The following YWHAZ variants were observed in gnomAD, a reference collection of about 807,000 sequenced individuals.
The protein encoded by YWHAZ is 14-3-3 protein zeta/delta.
For synonymous variants in YWHAZ, 87 were observed against 103.6 expected, an observed-to-expected ratio of 0.84 and a Z score of 0.97; for missense variants, 79 against 284.8, an observed-to-expected ratio of 0.28 and a Z score of 5.20.
intron 2 of YWHAZ, among the ~76,000 whole-genome samples, chr8:100,928,020 C>T (rs1813483057): frequency 6.6e-6 from 1 of 152,224 alleles, no homozygotes; most frequent in African/African-American, 2.4e-5. Flanking sequence ...TGGCTCACGC[C>T]TGTAATCCCA....
Position 100,934,254 on chromosome 8 carries a change from G to GGAT in YWHAZ, c.295-9216_295-9215insATC, listed in dbSNP as rs563127623. 2.5e-3 allele frequency among the ~76,000 whole-genome samples: 379 copies of GGAT among 150,210 alleles called. 1 individual carries two copies. The highest frequency in any genetic ancestry group is 8.4e-3 in the African/African-American group (343 of 40,874). ...AGGCTGAGATGGGAGGATCACTTGA[G>GGAT]CACAGGATGTCATGGCTGCAGTGAG... On this transcript the variant is annotated intron_variant, in intron 2 of 5. Transcript: ENST00000395958.
upstream of YWHAZ, chr8:100,952,782 C>T (rs1320635532): frequency 1.0e-6 from 1 of 999,622 alleles, no homozygotes; most frequent in Non-Finnish European, 1.2e-6. Flanking sequence ...CCGCCGCTCC[C>T]CTTCCCCGGC....
intron 2 of YWHAZ, among the ~76,000 whole-genome samples, chr8:100,928,746 A>C (rs549779924): frequency 6.6e-6 from 1 of 152,172 alleles, no homozygotes; most frequent in Non-Finnish European, 1.5e-5. Context: ...AAAGAAAAAA[A>C]AAAAAAGGAA....
At chr8:100,950,645 C>T in intron 1 of YWHAZ, 1 of 972,642 alleles carries the variant, frequency 1.0e-6, no homozygotes, top group Non-Finnish European at 1.2e-6. Flanking sequence ...GCCCGCGCCC[C>T]CGCCCAAGCC....
At chr8:100,945,330 C>G (rs1326617689) in intron 2 of YWHAZ, among the ~76,000 whole-genome samples, 1 of 152,140 alleles carries the variant, frequency 6.6e-6, no homozygotes, top group Non-Finnish European at 1.5e-5. Flanking sequence ...GAATGGGTTA[C>G]TAAAGAGCTC....
At chr8:100,950,988 C>A (rs952707122) in intron 1 of YWHAZ, 6 of 240,406 alleles carry the variant, frequency 2.5e-5, no homozygotes, top group African/African-American at 1.4e-4. Flanking sequence ...CGGGAGCCGA[C>A]TGCGGGCTCA....
intron 1 of YWHAZ, chr8:100,951,523 G>C (rs903920295): frequency 7.1e-6 from 7 of 985,530 alleles, no homozygotes; most frequent in Non-Finnish European, 8.4e-6. Context: ...GAGAAGGGCG[G>C]CGAGGGAGGG....
chr8:100,938,993 T>TAA (rs1814412902), intron 2 of YWHAZ, among the ~76,000 whole-genome samples: 1 of 152,274 alleles, frequency 6.6e-6, no homozygotes, highest in African/African-American at 2.4e-5. Context: ...AGCAGGCTTG[T>TAA]GCCTAATCAC....
chr8:100,942,779 T>A (rs1459384964), intron 2 of YWHAZ, among the ~76,000 whole-genome samples: 1 of 152,118 alleles, frequency 6.6e-6, no homozygotes, highest in Non-Finnish European at 1.5e-5. Flanking sequence ...ATAGATGGAA[T>A]GAAATCAGCA....
rs1219126549 is a variant in YWHAZ, at chr8:100,928,779, T to C, written c.295-3740A>G. On this transcript the variant is annotated intron_variant, in intron 2 of 5. Transcript: ENST00000395958. ...GAACATATTCTCAGCCTCAATGGGG[T>C]GATATACCTACTAGAAAGGACGTTA... 4.0e-4 allele frequency among the ~76,000 whole-genome samples: 59 copies of C among 148,972 alleles called. 1 individual carries two copies. Among genetic ancestry groups the C allele is most frequent in the Admixed American group, 4.0e-3 (59 of 14,934 alleles).
rs976650154 is a variant in YWHAZ, at chr8:100,948,058, G to A, written c.294+538C>T. The A allele has an allele frequency of 7.9e-6, 12 of 1,515,868 alleles. No individual in the cohort carries two copies. The African/African-American group carries it at 1.5e-4, about 19-fold the overall frequency. 93.9% of individuals were successfully genotyped at this position (1,515,868 alleles called of 1,614,324 possible). A position where few individuals can be genotyped will look rare whatever the true frequency, so the allele number is the denominator to read the frequency against. On this transcript the variant is annotated intron_variant, in intron 2 of 5. Coordinates refer to ENST00000395958, the MANE Select transcript of YWHAZ (RefSeq NM_145690.3). The surrounding 1 kb of genome is among the most constrained non-coding windows in gnomAD (Gnocchi z 4.2). ...TTGTTCATAACCTTTCATCATGGTT[G>A]TGAGTGTTCAAAATTTACCTTCAAG...
intron 1 of YWHAZ, chr8:100,950,355 G>A (rs1586166272): frequency 1.0e-6 from 1 of 984,416 alleles, no homozygotes; most frequent in Non-Finnish European, 1.2e-6. Flanking sequence ...GTGCTCCAAG[G>A]CCTCGCCTCT....
intron 1 of YWHAZ, chr8:100,950,557 T>G (rs891436763): frequency 2.0e-6 from 2 of 985,270 alleles, no homozygotes; most frequent in Admixed American, 6.1e-5. Context: ...TCCTTTGTCA[T>G]GGCGGATCTG....
At chr8:100,938,168 A>G (rs915798848) in intron 2 of YWHAZ, among the ~76,000 whole-genome samples, 1 of 152,088 alleles carries the variant, frequency 6.6e-6, no homozygotes, top group Non-Finnish European at 1.5e-5. Context: ...AATAAAATTA[A>G]AGCCACTTAT....
chr8:100,940,526 T>C (rs923207009), intron 2 of YWHAZ, among the ~76,000 whole-genome samples: 1 of 152,360 alleles, frequency 6.6e-6, no homozygotes, highest in African/African-American at 2.4e-5. Flanking sequence ...ATTTTTGTAA[T>C]AGCCCAGGGC....
In YWHAZ at chr8:100,948,950, CAG is replaced by C; in HGVS notation, c.-11-52_-11-51del. Reference sequence around the variant, plus strand: ...TTAAAATTTTTCCCATCAAAATAAACAGACTCAAAATTATACCTGTGGTAAAT... The same window carrying C: ...TTAAAATTTTTCCCATCAAAATAAACACTCAAAATTATACCTGTGGTAAAT... On this transcript the variant is annotated intron_variant, in intron 1 of 5. Coordinates refer to ENST00000395958, the MANE Select transcript of YWHAZ (RefSeq NM_145690.3). This position sits in a 1 kb window ranked among gnomAD's most constrained non-coding sequence, Gnocchi z 4.2. 6.6e-7 allele frequency: 1 copy of C among 1,524,136 alleles called. No homozygotes were observed. The highest frequency in any genetic ancestry group is 2.3e-5 in the East Asian group (1 of 44,282). 94.4% of individuals were successfully genotyped at this position (1,524,136 alleles called of 1,614,324 possible). A position where few individuals can be genotyped will look rare whatever the true frequency, so the allele number is the denominator to read the frequency against.
rs368732641 is a variant in YWHAZ at position 100,925,067 on chromosome 8, G to A, written c.295-28C>T. The A allele has an allele frequency of 1.8e-5, 29 of 1,592,402 alleles. No homozygotes were observed. In the Admixed American group the frequency reaches 5.3e-4, roughly 29 times the overall value. ...TAAGAAGAAAAGAAACAGACATAGT[G>A]AGAATAAAACATTTACAAAACTGAA... On this transcript the variant is annotated intron_variant, in intron 2 of 5. Coordinates refer to ENST00000395958, the MANE Select transcript of YWHAZ (RefSeq NM_145690.3).
chr8:100,949,001 A>C lies in YWHAZ; in HGVS notation c.-11-101T>G. On this transcript the variant is annotated intron_variant, in intron 1 of 5. Transcript: ENST00000395958. ...ATGAGTTTTTTAAACCTGAAACCTA[A>C]CTGCCTGTGAAAGACTGTTCACATG... 5 of 1,320,804 alleles carry C rather than the reference A, an allele frequency of 3.8e-6. No individual in the cohort carries two copies. In the Middle Eastern group the frequency reaches 6.1e-4, roughly 161 times the overall value. The allele number at this position is 1,320,804 out of a possible 1,614,324, so 81.8% of individuals were successfully genotyped here.
chr8:100,933,127 G>A (rs1186490332), intron 2 of YWHAZ, among the ~76,000 whole-genome samples: 1 of 152,152 alleles, frequency 6.6e-6, no homozygotes, highest in Non-Finnish European at 1.5e-5. Context: ...TTGGGAGGCC[G>A]AGGTGGGTGG....
Sources: allele counts gnomAD v4.1 joint callset (sites outside exome capture counted in the v4.1 genomes callset), GRCh38; gene constraint gnomAD v4.1.1; non-coding constraint Gnocchi (gnomAD v3.1); transcripts MANE v1.5; gene names NCBI Gene and HGNC (gene_info 2026-07-23, HGNC 2026-07-21).